The following MAMDC2 variants were observed in gnomAD, a reference collection of about 807,000 sequenced individuals.
The protein encoded by MAMDC2 is MAM domain-containing protein 2.
A neutral mutation model predicts 89.8 loss-of-function variants in MAMDC2; 57 were observed. The ratio of observed to expected loss-of-function variants is 0.63; its 90% CI spans 0.51 to 0.79. The LOEUF is 0.79. Ranked by LOEUF, MAMDC2 falls within the 30% of genes least tolerant of loss-of-function variation. The pLI is 0.00. For synonymous variants in MAMDC2, 313 were observed against 293.4 expected (o/e 1.07, Z -0.68); for missense variants, 800 against 820.6 (o/e 0.97, Z 0.31).
chr9:70,181,515 CTCTCT>C lies in MAMDC2; in HGVS notation c.1651+10886_1651+10890del, dbSNP rs1271116217. ...AATTTTTTTTCCATTTGTTTGTGTC[CTCTCT>C]TATTTTTCTTGAGCACTGGTTTGTA... is the stretch of plus-strand genomic sequence containing the variant. On this transcript the variant is annotated intron_variant, in intron 11 of 13. Coordinates refer to ENST00000377182, the MANE Select transcript of MAMDC2 (RefSeq NM_153267.5). Among the ~76,000 whole-genome samples the C allele has an allele frequency of 2.0e-5, 3 of 152,110 alleles. No individual in the cohort carries two copies. In the East Asian group the frequency reaches 5.8e-4, roughly 29 times the overall value.
rs73452717 is a variant in MAMDC2, at chr9:70,214,563, G to A, written c.1652-3774G>A. Among the ~76,000 whole-genome samples, 527 of 152,338 alleles carry A rather than the reference G, an allele frequency of 3.5e-3. 4 individuals are homozygous for A. Among genetic ancestry groups the A allele is most frequent in the African/African-American group, 0.011 (444 of 41,576 alleles). On this transcript the variant is annotated intron_variant, in intron 11 of 13. Coordinates refer to ENST00000377182, the MANE Select transcript of MAMDC2 (RefSeq NM_153267.5). ...GCTAACCCAGTGGAAGGTTTTAAATGAGTGGTATGATTTTGCTTTTGCTTT... is the reference window on the plus strand; with the variant it reads ...GCTAACCCAGTGGAAGGTTTTAAATAAGTGGTATGATTTTGCTTTTGCTTT...
At chr9:70,140,961 T>A (rs888620306) in intron 8 of MAMDC2, among the ~76,000 whole-genome samples, 13 of 152,152 alleles carry the variant, frequency 8.5e-5, no homozygotes, top group African/African-American at 2.2e-4. Flanking sequence ...ACAGCCTTTG[T>A]GGAGCCCAAC....
intron 12 of MAMDC2, among the ~76,000 whole-genome samples, chr9:70,219,392 C>T (rs558161859): frequency 6.6e-6 from 1 of 152,330 alleles, no homozygotes; most frequent in South Asian, 2.1e-4. Flanking sequence ...TGACCTCCAA[C>T]TAAAGGCACA....
intron 8 of MAMDC2, among the ~76,000 whole-genome samples, chr9:70,141,778 A>G (rs1009290704): frequency 1.8e-4 from 28 of 152,172 alleles, no homozygotes; most frequent in African/African-American, 6.3e-4. Context: ...TTAAGTTTCC[A>G]GGGGCAGTAA....
At chr9:70,058,566 T>C (rs1321159061) in intron 2 of MAMDC2, among the ~76,000 whole-genome samples, 5 of 152,324 alleles carry the variant, frequency 3.3e-5, no homozygotes, top group Admixed American at 2.0e-4. Context: ...ATCCCCATTT[T>C]ACGGTTGAGA....
chr9:70,103,582 T>C (rs1183919983), intron 2 of MAMDC2, among the ~76,000 whole-genome samples: 1 of 151,632 alleles, frequency 6.6e-6, no homozygotes, highest in African/African-American at 2.4e-5. Flanking sequence ...AATTTGAGAA[T>C]GGCTTCTTAG....
intron 8 of MAMDC2, among the ~76,000 whole-genome samples, chr9:70,141,578 T>C (rs1244011806): frequency 6.6e-6 from 1 of 152,196 alleles, no homozygotes; most frequent in East Asian, 1.9e-4. Context: ...ACCTGAGAAT[T>C]AAAGTGATGT....
At chr9:70,048,712 C>A (rs1826818236) in intron 2 of MAMDC2, among the ~76,000 whole-genome samples, 1 of 152,226 alleles carries the variant, frequency 6.6e-6, no homozygotes, top group South Asian at 2.1e-4. Context: ...CAGTCCTCAG[C>A]TGAAATCGGG....
intron 7 of MAMDC2, among the ~76,000 whole-genome samples, chr9:70,131,983 GA>G (rs1290246586): frequency 2.0e-5 from 3 of 152,164 alleles, no homozygotes; most frequent in Admixed American, 6.5e-5. Flanking sequence ...ACAATCTACT[GA>G]ATAGAATAAT....
In MAMDC2 at chr9:70,126,217, C is replaced by G; in HGVS notation, c.702C>G (p.Leu234=). ...AGCACTTCCAGGAGGTGGCACAGCT[C>G]ATCTCCCCGTTGACCACGGCCCCCA... ...YVKHFQEVAQ[L]ISPLTTAPMA... is the part of the protein sequence containing the mutation. The change falls in exon 6 of 14, where the codon CTC becomes CTG. Residue 234 remains leucine (L), a synonymous_variant. Transcript: ENST00000377182. The G allele has an allele frequency of 6.2e-7, 1 of 1,614,016 alleles. No individual in the cohort carries two copies. Among genetic ancestry groups the G allele is most frequent in the Non-Finnish European group, 8.5e-7 (1 of 1,180,010 alleles).
chr9:70,181,860 C>T (rs1399249310), intron 11 of MAMDC2, among the ~76,000 whole-genome samples: 2 of 152,104 alleles, frequency 1.3e-5, no homozygotes, highest in African/African-American at 2.4e-5. Context: ...TTTCTCTTGC[C>T]TGATTGCCCT....
chr9:70,213,699 T>C (rs1213182927), intron 11 of MAMDC2, among the ~76,000 whole-genome samples: 2 of 152,018 alleles, frequency 1.3e-5, no homozygotes, highest in African/African-American at 4.8e-5. Context: ...AAACCCCCTG[T>C]GCTTCTTGTG....
intron 11 of MAMDC2, among the ~76,000 whole-genome samples, chr9:70,212,754 ACCT>A (rs961030793): frequency 4.0e-5 from 6 of 151,650 alleles, no homozygotes; most frequent in Non-Finnish European, 8.8e-5. Flanking sequence ...CCATCTTGGA[ACCT>A]CCTCCTATTT....
intron 9 of MAMDC2, among the ~76,000 whole-genome samples, chr9:70,145,490 C>A (rs964755355): frequency 2.0e-5 from 3 of 152,086 alleles, no homozygotes; most frequent in Non-Finnish European, 4.4e-5. Flanking sequence ...CTTAGGGATC[C>A]CAAAGGCCTA....
chr9:70,144,138 TTCTC>T (rs76756308), intron 9 of MAMDC2, among the ~76,000 whole-genome samples: 27,760 of 151,978 alleles, frequency 0.18, 2,728 homozygotes, highest in African/African-American at 0.24. Flanking sequence ...TTAGTCATAA[TTCTC>T]TCTCTCTCTT....
chr9:70,173,951 A>G (rs1468948618), intron 11 of MAMDC2, among the ~76,000 whole-genome samples: 1 of 152,120 alleles, frequency 6.6e-6, no homozygotes, highest in Non-Finnish European at 1.5e-5. Context: ...CCACTTACCT[A>G]TTTTCCTAAC....
At chr9:70,143,926 C>A in intron 9 of MAMDC2, 107 bp downstream of exon 9, 1 of 1,361,876 alleles carries the variant, frequency 7.3e-7, no homozygotes. Flanking sequence ...TCCTTCTGTT[C>A]AGGCCTACGG....
At chr9:70,146,553 G>A (rs2031410304) in intron 9 of MAMDC2, among the ~76,000 whole-genome samples, 1 of 152,122 alleles carries the variant, frequency 6.6e-6, no homozygotes, top group African/African-American at 2.4e-5. Flanking sequence ...TATACAGGTA[G>A]AAATAAACAT....
intron 5 of MAMDC2, among the ~76,000 whole-genome samples, chr9:70,125,593 G>T (rs1393405988): frequency 6.6e-6 from 1 of 152,200 alleles, no homozygotes; most frequent in Non-Finnish European, 1.5e-5. Flanking sequence ...CGATTGACTT[G>T]CATGCTATTA....
Sources: gnomAD v4.1 joint callset for allele counts (sites outside exome capture counted in the v4.1 genomes callset) on GRCh38, gnomAD v4.1.1 for gene constraint, MANE v1.5 for transcripts, NCBI Gene and HGNC (gene_info 2026-07-23, HGNC 2026-07-21) for gene names.